Variants in AGAP3 observed in about 807,000 individuals in gnomAD.
The protein encoded by AGAP3 is arf-GAP with GTPase, ANK repeat and PH domain-containing protein 3.
A neutral mutation model predicts 96.9 loss-of-function variants in AGAP3; 24 were observed. The observed-to-expected ratio is 0.25, with a 90% CI of 0.18 to 0.35. The LOEUF (loss-of-function observed/expected upper bound fraction) is 0.35, where lower values mean the gene tolerates loss of function less well. AGAP3 is among the 10% of genes least tolerant of loss of function. AGAP3 has a pLI of 1.00. For synonymous variants in AGAP3, 563 were observed against 536.1 expected (o/e 1.05, Z -0.69); for missense variants, 876 against 1,254.2 (o/e 0.70, Z 4.55).
chr7:151,123,993 G>C, intron 9 of AGAP3, 107 bp downstream of exon 9: 1 of 1,161,518 alleles, frequency 8.6e-7, no homozygotes, highest in Non-Finnish European at 1.2e-6. Context: ...GATGGCATCA[G>C]AGGCCAGCAC....
upstream of AGAP3, among the ~76,000 whole-genome samples, chr7:151,086,378 AGG>A (rs1798142592): frequency 3.9e-4 from 4 of 10,338 alleles, no homozygotes; most frequent in South Asian, 9.1e-3. Flanking sequence ...GGCGGCGGGG[AGG>A]GGGGCTCGGG....
In AGAP3 at chr7:151,108,670, G is replaced by C. The variant is rs148904334; in HGVS notation, c.332-8123G>C. ...CAGGGTGGGGCAGAGACTTCAGTCT[G>C]CTTGCCCTGAATGCACTTAGTAAGC... is the stretch of plus-strand genomic sequence containing the variant. On this transcript the variant is annotated intron_variant, in intron 1 of 17. Coordinates refer to ENST00000397238, the MANE Select transcript of AGAP3 (RefSeq NM_031946.7). This position sits in a 1 kb window ranked among gnomAD's most constrained non-coding sequence, Gnocchi z 4.2. 8.5e-5 allele frequency among the ~76,000 whole-genome samples: 13 copies of C among 152,218 alleles called. No individual in the cohort carries two copies. The highest frequency in any genetic ancestry group is 2.0e-4 in the Admixed American group (3 of 15,288).
At position 151,123,363 on chromosome 7, in the gene AGAP3, G is replaced by A. The variant is rs1046708571; in HGVS notation, c.1129-431G>A. ...TGTGCCCCTTGGGCCACGCCGACGCGCTCGGTGCCACGTGCCGTGTGGTGT... is the reference window on the plus strand; with the variant it reads ...TGTGCCCCTTGGGCCACGCCGACGCACTCGGTGCCACGTGCCGTGTGGTGT... On this transcript the variant is annotated intron_variant, in intron 8 of 17. Transcript: ENST00000397238. 15 of 1,044,080 alleles carry A rather than the reference G, an allele frequency of 1.4e-5. No homozygotes were observed. In the African/African-American group the frequency reaches 1.7e-4, roughly 12 times the overall value. 64.7% of individuals were successfully genotyped at this position (1,044,080 alleles called of 1,614,324 possible).
chr7:151,091,996 T>C (rs1332647952), intron 1 of AGAP3, among the ~76,000 whole-genome samples: 1 of 151,742 alleles, frequency 6.6e-6, no homozygotes, highest in Non-Finnish European at 1.5e-5. Context: ...GGGTGTTGAG[T>C]TGTAGGAGAT....
At position 151,108,390 on chromosome 7, in the gene AGAP3, C is replaced by T. The variant is rs903537422; in HGVS notation, c.332-8403C>T. On this transcript the variant is annotated intron_variant, in intron 1 of 17. Coordinates refer to ENST00000397238, the MANE Select transcript of AGAP3 (RefSeq NM_031946.7). The surrounding 1 kb of genome is among the most constrained non-coding windows in gnomAD (Gnocchi z 4.2). ...CCCCACCCTGGGGTAATCTCAGTTTCCCTGCTCCTTGCACTGCTCTCGGTC... is the reference window on the plus strand; with the variant it reads ...CCCCACCCTGGGGTAATCTCAGTTTTCCTGCTCCTTGCACTGCTCTCGGTC... Among the ~76,000 whole-genome samples the T allele has an allele frequency of 1.3e-5, 2 of 152,186 alleles. No homozygotes were observed. Among genetic ancestry groups the T allele is most frequent in the Non-Finnish European group, 2.9e-5 (2 of 68,028 alleles).
intron 1 of AGAP3, among the ~76,000 whole-genome samples, chr7:151,097,566 G>T (rs1234161756): frequency 6.6e-6 from 1 of 151,606 alleles, no homozygotes; most frequent in Non-Finnish European, 1.5e-5. Flanking sequence ...TTGGCTGACA[G>T]TTCAGCAGGT....
At chr7:151,112,397 G>T (rs1799329276) in intron 1 of AGAP3, among the ~76,000 whole-genome samples, 1 of 15,704 alleles carries the variant, frequency 6.4e-5, no homozygotes, top group Admixed American at 7.0e-4. Context: ...TCCCCGAGAC[G>T]TGTGTGTGTG....
intron 8 of AGAP3, chr7:151,123,570 C>T (rs900933563): frequency 4.4e-6 from 6 of 1,375,052 alleles, no homozygotes; most frequent in African/African-American, 1.5e-5. Flanking sequence ...TTGTAAGGGG[C>T]GGGCCCGGCT....
chr7:151,119,875 C>T (rs1799786510), intron 7 of AGAP3, 112 bp from the exon 8 acceptor site: 3 of 1,009,898 alleles, frequency 3.0e-6, no homozygotes, highest in East Asian at 5.3e-5. Flanking sequence ...GGCCCCTCTG[C>T]TGCCCATGAG....
intron 8 of AGAP3, among the ~76,000 whole-genome samples, chr7:151,121,726 G>T (rs113321173): frequency 2.6e-5 from 4 of 152,174 alleles, no homozygotes; most frequent in East Asian, 1.9e-4. Context: ...TCCTCACAGC[G>T]GCGACCTTAT....
intron 1 of AGAP3, among the ~76,000 whole-genome samples, chr7:151,110,152 A>C (rs1342146792): frequency 2.6e-5 from 4 of 152,228 alleles, no homozygotes; most frequent in Non-Finnish European, 5.9e-5. Context: ...AGACTGGCCC[A>C]GCCAGGGCCC....
intron 1 of AGAP3, among the ~76,000 whole-genome samples, chr7:151,113,591 G>A (rs1359476554): frequency 6.6e-6 from 1 of 152,228 alleles, no homozygotes; most frequent in African/African-American, 2.4e-5. Context: ...GGAGGAAAGT[G>A]GGCAGTATTG....
In AGAP3 at chr7:151,133,918, A is replaced by G. The variant is rs920686673; in HGVS notation, c.1327-482A>G. 3.3e-5 allele frequency among the ~76,000 whole-genome samples: 5 copies of G among 152,186 alleles called. No individual in the cohort carries two copies. The highest frequency in any genetic ancestry group is 3.3e-4 in the Admixed American group (5 of 15,280). On this transcript the variant is annotated intron_variant, in intron 10 of 17. Transcript: ENST00000397238. The surrounding 1 kb of genome is among the most constrained non-coding windows in gnomAD (Gnocchi z 5.4). ...CTTTTAAACTGTTTGACAAGTGTTT[A>G]TTATCAGACACTGTCCTAAGGGCTG...
At chr7:151,134,685 C>A in intron 11 of AGAP3, 117 bp downstream of exon 11, 2 of 1,079,216 alleles carry the variant, frequency 1.9e-6, no homozygotes, top group Non-Finnish European at 2.6e-6. Flanking sequence ...CAGCATCACA[C>A]TTCAAGGTCA....
At chr7:151,120,197 G>A in intron 8 of AGAP3, 52 bp downstream of exon 8, 6 of 1,532,222 alleles carry the variant, frequency 3.9e-6, no homozygotes, top group Non-Finnish European at 4.4e-6. Flanking sequence ...CACAGGCAGG[G>A]CTGAGCGCCG....
chr7:151,089,370 AGGGC>A (rs1798295172), intron 1 of AGAP3, among the ~76,000 whole-genome samples: 1 of 151,948 alleles, frequency 6.6e-6, no homozygotes, highest in Non-Finnish European at 1.5e-5. Flanking sequence ...CCCCAGCCCC[AGGGC>A]GGAACAGACC....
At position 151,141,653 on chromosome 7, in the gene AGAP3, C is replaced by A; in HGVS notation, c.1805-245C>A. 1 of 535,486 alleles carries A rather than the reference C, an allele frequency of 1.9e-6. No individual in the cohort carries two copies. Among genetic ancestry groups the A allele is most frequent in the South Asian group, 2.2e-5 (1 of 45,922 alleles). 33.2% of individuals were successfully genotyped at this position (535,486 alleles called of 1,614,324 possible). On this transcript the variant is annotated intron_variant, in intron 13 of 17. Coordinates refer to ENST00000397238, the MANE Select transcript of AGAP3 (RefSeq NM_031946.7). This position sits in a 1 kb window ranked among gnomAD's most constrained non-coding sequence, Gnocchi z 4.2. Reference sequence around the variant, plus strand: ...AGGGGTGCCAAGATCTTGCATCCCCCATCTGTTTTCACTTAAGCTCCACAG... The same window carrying A: ...AGGGGTGCCAAGATCTTGCATCCCCAATCTGTTTTCACTTAAGCTCCACAG...
intron 1 of AGAP3, among the ~76,000 whole-genome samples, chr7:151,088,482 A>G (rs1304087134): frequency 6.6e-6 from 1 of 152,196 alleles, no homozygotes; most frequent in Non-Finnish European, 1.5e-5. Flanking sequence ...ACAGGAGATG[A>G]CCAATTTTTC....
intron 1 of AGAP3, 108 bp downstream of exon 1, chr7:151,087,180 GCGCGCTTGAGGAC>G: frequency 1.6e-6 from 2 of 1,240,734 alleles, no homozygotes; most frequent in Non-Finnish European, 2.3e-6. Flanking sequence ...GGGGGTCCTT[GCGCGCTTGAGGAC>G]CAGGCCACGA....
Sources: gnomAD v4.1 joint callset for allele counts (sites outside exome capture counted in the v4.1 genomes callset) on GRCh38, gnomAD v4.1.1 for gene constraint, Gnocchi (gnomAD v3.1) non-coding constraint, MANE v1.5 for transcripts, NCBI Gene and HGNC (gene_info 2026-07-23, HGNC 2026-07-21) for gene names.